Variants in PLPP1 observed in about 807,000 individuals in gnomAD.
The protein encoded by PLPP1 is lipid phosphate phosphohydrolase 1a.
PLPP1 carries 24 observed loss-of-function variants against 31.2 expected under a neutral mutation model. The observed-to-expected ratio is 0.77, with a 90% confidence interval of 0.56 to 1.08. PLPP1 has a LOEUF of 1.08. Among genes scored for constraint, PLPP1 ranks in the 50% least tolerant of loss-of-function variants. PLPP1 has a pLI of 0.00. For synonymous variants in PLPP1, 146 were observed against 126.3 expected (o/e 1.16, Z -1.05); for missense variants, 319 against 342.7 (o/e 0.93, Z 0.55).
chr5:55,491,912 G>T (rs1368854570), intron 1 of PLPP1, among the ~76,000 whole-genome samples: 1 of 48,348 alleles, frequency 2.1e-5, no homozygotes, highest in Admixed American at 2.9e-4. Context: ...GAAAGAAAAT[G>T]ATAAAACCAC....
intron 1 of PLPP1, among the ~76,000 whole-genome samples, chr5:55,496,715 G>A (rs1477410384): frequency 1.3e-5 from 2 of 152,174 alleles, no homozygotes; most frequent in African/African-American, 2.4e-5. Context: ...AGGCATGTAT[G>A]TCTGCTCTTA....
chr5:55,511,653 T>G (rs1561252641), intron 1 of PLPP1, among the ~76,000 whole-genome samples: 5 of 78,058 alleles, frequency 6.4e-5, no homozygotes. Context: ...GTGTTGAGTT[T>G]TTTTTTTTTT....
At chr5:55,456,169 A>G (rs1579935202) in intron 3 of PLPP1, among the ~76,000 whole-genome samples, 1 of 152,308 alleles carries the variant, frequency 6.6e-6, no homozygotes, top group East Asian at 1.9e-4. Flanking sequence ...ATTAAAATTA[A>G]TAAGTATTCT....
chr5:55,465,465 C>T (rs191949962), intron 3 of PLPP1, among the ~76,000 whole-genome samples: 2 of 152,080 alleles, frequency 1.3e-5, no homozygotes, highest in East Asian at 3.8e-4. Context: ...TAAATCGGGG[C>T]GTCCAATCTT....
intron 1 of PLPP1, among the ~76,000 whole-genome samples, chr5:55,480,252 AGCTG>A (rs1752642042): frequency 6.6e-6 from 1 of 152,028 alleles, no homozygotes; most frequent in Admixed American, 6.6e-5. Flanking sequence ...TTATTACTTG[AGCTG>A]GCAAAATTCA....
chr5:55,457,726 T>C (rs1024364817), intron 3 of PLPP1, among the ~76,000 whole-genome samples: 3 of 151,948 alleles, frequency 2.0e-5, no homozygotes, highest in Admixed American at 6.6e-5. Flanking sequence ...CCATCTCTAC[T>C]AAAAATACAC....
intron 1 of PLPP1, among the ~76,000 whole-genome samples, chr5:55,500,649 GAC>G (rs34651801): frequency 0.79 from 119,397 of 151,898 alleles, 47,845 homozygotes; most frequent in Middle Eastern, 0.88. Context: ...GTAGCAGGGA[GAC>G]ACACAATCCA....
At chr5:55,455,975 C>T (rs1472790335) in intron 3 of PLPP1, among the ~76,000 whole-genome samples, 1 of 152,036 alleles carries the variant, frequency 6.6e-6, no homozygotes, top group Non-Finnish European at 1.5e-5. Flanking sequence ...AAGGGAGCTA[C>T]AGATGTGAAC....
intron 1 of PLPP1, among the ~76,000 whole-genome samples, chr5:55,483,000 A>T (rs1579955424): frequency 6.6e-6 from 1 of 152,280 alleles, no homozygotes; most frequent in Admixed American, 6.5e-5. Context: ...AATCTCCCTC[A>T]TCTTCCAAAA....
chr5:55,430,384 G>T (rs1751319092), intron 4 of PLPP1, among the ~76,000 whole-genome samples: 1 of 152,204 alleles, frequency 6.6e-6, no homozygotes, highest in Non-Finnish European at 1.5e-5. Context: ...TGGGGCTCGA[G>T]GATGGGCCCA....
chr5:55,496,792 G>A (rs1753011866), intron 1 of PLPP1, among the ~76,000 whole-genome samples: 1 of 152,156 alleles, frequency 6.6e-6, no homozygotes, highest in South Asian at 2.1e-4. Flanking sequence ...GTAAACAGAT[G>A]TTCCCATATT....
intron 4 of PLPP1, among the ~76,000 whole-genome samples, chr5:55,441,027 A>G (rs1751608995): frequency 1.3e-5 from 2 of 152,052 alleles, no homozygotes; most frequent in South Asian, 2.1e-4. Flanking sequence ...AATGCAGGAC[A>G]TATTAATACA....
At chr5:55,472,547 CT>C (rs1371638227) in intron 2 of PLPP1, among the ~76,000 whole-genome samples, 1 of 151,888 alleles carries the variant, frequency 6.6e-6, no homozygotes, top group Non-Finnish European at 1.5e-5. Flanking sequence ...TTGCAGTGAG[CT>C]GAGATCGCGC....
At chr5:55,501,563 G>A (rs928219724) in intron 1 of PLPP1, among the ~76,000 whole-genome samples, 1 of 152,054 alleles carries the variant, frequency 6.6e-6, no homozygotes, top group African/African-American at 2.4e-5. Context: ...GGAGTGCAAT[G>A]GCGTGATCTT....
At chr5:55,444,972 ACT>A (rs933246941) in intron 3 of PLPP1, among the ~76,000 whole-genome samples, 2 of 151,088 alleles carry the variant, frequency 1.3e-5, no homozygotes, top group African/African-American at 2.4e-5. Flanking sequence ...CTGGTCTTGA[ACT>A]CCTGACCTCA....
In PLPP1 at chr5:55,534,684, C is replaced by G. The variant is rs1740822590; in HGVS notation, c.-55G>C. 6.7e-7 allele frequency: 1 copy of G among 1,497,598 alleles called. No homozygotes were observed. The highest frequency in any genetic ancestry group is 1.3e-5 in the South Asian group (1 of 79,966). 92.8% of individuals were successfully genotyped at this position (1,497,598 alleles called of 1,614,324 possible). ...GATGGACTGAGCTGCGGGACGGCGG[C>G]CGAGGCCCTTGATTCTCGAGCCCGG... On this transcript the variant is annotated 5_prime_UTR_variant, in exon 1 of 6. Coordinates refer to ENST00000307259, the MANE Select transcript of PLPP1 (RefSeq NM_003711.4).
intron 1 of PLPP1, among the ~76,000 whole-genome samples, chr5:55,494,107 A>G (rs978081255): frequency 6.6e-6 from 1 of 152,068 alleles, no homozygotes; most frequent in African/African-American, 2.4e-5. Context: ...TGTAGGAAAT[A>G]AAATATCACT....
intron 3 of PLPP1, among the ~76,000 whole-genome samples, chr5:55,455,348 G>T (rs1302416551): frequency 1.3e-5 from 2 of 152,172 alleles, no homozygotes; most frequent in East Asian, 3.9e-4. Context: ...TCCCGGCACT[G>T]TAGGACACCG....
At position 55,522,956 on chromosome 5, in the gene PLPP1, G is replaced by A. The variant is rs562538853; in HGVS notation, c.58+11616C>T. Among the ~76,000 whole-genome samples, 65 of 152,128 alleles carry A rather than the reference G, an allele frequency of 4.3e-4. 1 individual carries two copies. The South Asian group carries it at 0.011, about 26-fold the overall frequency. ...GATGGTCTTGATCTCCTGACCTCGT[G>A]ATCCACCCACGTTGGCCTCCCAAAG... On this transcript the variant is annotated intron_variant, in intron 1 of 5. Transcript: ENST00000307259.
Sources: gnomAD v4.1 joint callset for allele counts (sites outside exome capture counted in the v4.1 genomes callset) on GRCh38, gnomAD v4.1.1 for gene constraint, MANE v1.5 for transcripts, NCBI Gene and HGNC (gene_info 2026-07-23, HGNC 2026-07-21) for gene names.